The following ARHGEF4 variants were observed in gnomAD, a reference collection of about 807,000 sequenced individuals.
ARHGEF4 encodes APC-stimulated guanine nucleotide exchange factor 1.
ARHGEF4 carries 119 observed loss-of-function variants against 162.0 expected under a neutral mutation model. The ratio of observed to expected loss-of-function variants is 0.73; its 90% CI spans 0.63 to 0.86. The LOEUF (loss-of-function observed/expected upper bound fraction) is 0.86. Among genes scored for constraint, ARHGEF4 ranks in the 40% least tolerant of loss-of-function variants. ARHGEF4 has a pLI of 0.00. For missense variants in ARHGEF4, 2,488 were observed against 2,456.0 expected (o/e 1.01, Z -0.28); for synonymous variants, 1,014 against 979.9 (o/e 1.03, Z -0.65).
In ARHGEF4 at chr2:130,915,355, C is replaced by T. The variant is rs1574220490; in HGVS notation, c.1409C>T (p.Thr470Ile). Residue 470 changes from threonine to isoleucine, a missense_variant, in exon 2 of 14, where the codon ACC becomes ATC. Physicochemically the swap from Thr to Ile is moderately conservative, Grantham distance 89. Transcript: ENST00000409359. ...TCAGAGCAAAGCCCAGAAAGCAGAA[C>T]CCAGGAACCCCAAGGCACCCAACTC... is the stretch of plus-strand genomic sequence containing the variant. Reference protein sequence around the residue: ...CKSEQSPESRTQEPQGTQLAP... With the variant: ...CKSEQSPESRIQEPQGTQLAP... The T allele has an allele frequency of 6.4e-7, 1 of 1,550,646 alleles. No homozygotes were observed. The highest frequency in any genetic ancestry group is 8.7e-7 in the Non-Finnish European group (1 of 1,147,036).
chr2:130,889,395 G>A (rs867551089), intron 1 of ARHGEF4, among the ~76,000 whole-genome samples: 1 of 151,936 alleles, frequency 6.6e-6, no homozygotes, highest in South Asian at 2.1e-4. Flanking sequence ...CTTATTAACT[G>A]CTTCCCTTGC....
intron 4 of ARHGEF4, among the ~76,000 whole-genome samples, chr2:131,003,050 A>C (rs1687885157): frequency 6.6e-6 from 1 of 152,214 alleles, no homozygotes; most frequent in Admixed American, 6.5e-5. Context: ...ACAAGAGGGC[A>C]ACAAGCAAAG....
intron 1 of ARHGEF4, among the ~76,000 whole-genome samples, chr2:130,853,170 A>C (rs13014102): frequency 0.12 from 17,561 of 152,154 alleles, 1,136 homozygotes; most frequent in South Asian, 0.22. Context: ...CCCAAGGCCC[A>C]ACTTGGGGTC....
chr2:130,919,041 C>G (rs1681707000), intron 2 of ARHGEF4, among the ~76,000 whole-genome samples: 1 of 152,084 alleles, frequency 6.6e-6, no homozygotes, highest in South Asian at 2.1e-4. Context: ...GGAATTACAC[C>G]GCGGGGTCAG....
chr2:130,918,732 A>G (rs1419441866), intron 2 of ARHGEF4, among the ~76,000 whole-genome samples: 1 of 152,238 alleles, frequency 6.6e-6, no homozygotes, highest in African/African-American at 2.4e-5. Flanking sequence ...AGTGGACAGC[A>G]TACATTGAAA....
chr2:130,946,954 G>A (rs984895525), intron 4 of ARHGEF4: 5 of 253,338 alleles, frequency 2.0e-5, no homozygotes, highest in African/African-American at 8.8e-5. Flanking sequence ...AATACAGGCC[G>A]GGTGCGGTGG....
At position 130,914,608 on chromosome 2, in the gene ARHGEF4, A is replaced by G; in HGVS notation, c.662A>G (p.Tyr221Cys). ...CTTCAGAAATCCAGGTCTGAGAGCT[A>G]TCTGGGCATCCCAGTGGTCTGGCCC... ...VSLQKSRSES[Y>C]LGIPVVWPFL... The change falls in exon 2 of 14, where the codon TAT (tyrosine) becomes TGT (cysteine). Residue 221 changes from tyrosine (Y) to cysteine (C), a missense_variant. Tyr to Cys is a radical substitution (Grantham distance 194, BLOSUM62 -2). Transcript: ENST00000409359. 1 of 1,393,174 alleles carries G rather than the reference A, an allele frequency of 7.2e-7. No individual in the cohort carries two copies. Among genetic ancestry groups the G allele is most frequent in the Non-Finnish European group, 9.3e-7 (1 of 1,080,416 alleles). 86.3% of individuals were successfully genotyped at this position (1,393,174 alleles called of 1,614,324 possible).
chr2:130,855,999 A>G (rs1574106031), intron 1 of ARHGEF4, among the ~76,000 whole-genome samples: 1 of 152,230 alleles, frequency 6.6e-6, no homozygotes, highest in East Asian at 1.9e-4. Context: ...TGTGACCCAT[A>G]TACAGGGCAG....
At chr2:130,837,334 C>T in intron 1 of ARHGEF4, 1 of 339,234 alleles carries the variant, frequency 2.9e-6, no homozygotes, top group Non-Finnish European at 5.4e-6. Flanking sequence ...GGAGCCGCTG[C>T]CTGGACCGGC....
At chr2:130,866,372 G>A (rs909870835) in intron 1 of ARHGEF4, among the ~76,000 whole-genome samples, 17 of 152,126 alleles carry the variant, frequency 1.1e-4, no homozygotes, top group African/African-American at 3.6e-4. Context: ...TGACAAGAGC[G>A]AAACTCCGTC....
At chr2:130,853,891 A>G (rs1376139981) in intron 1 of ARHGEF4, among the ~76,000 whole-genome samples, 1 of 152,192 alleles carries the variant, frequency 6.6e-6, no homozygotes, top group Non-Finnish European at 1.5e-5. Context: ...TTAGCCTTGA[A>G]GGATGGACAG....
chr2:130,939,676 G>A (rs1683175041), intron 3 of ARHGEF4, among the ~76,000 whole-genome samples: 1 of 152,064 alleles, frequency 6.6e-6, no homozygotes, highest in African/African-American at 2.4e-5. Context: ...ATTAATTTAT[G>A]GGAAACAGTC....
intron 1 of ARHGEF4, among the ~76,000 whole-genome samples, chr2:130,893,686 G>T (rs1330861300): frequency 6.6e-6 from 1 of 152,210 alleles, no homozygotes; most frequent in African/African-American, 2.4e-5. Flanking sequence ...AGTCCACAGA[G>T]CAAGAATGGA....
chr2:131,034,388 G>T (rs1167222137), intron 5 of ARHGEF4, among the ~76,000 whole-genome samples: 1 of 152,192 alleles, frequency 6.6e-6, no homozygotes, highest in Non-Finnish European at 1.5e-5. Context: ...AAGGTTGCAG[G>T]CTGTGTCGAG....
At chr2:130,889,852 A>AT (rs1679754305) in intron 1 of ARHGEF4, among the ~76,000 whole-genome samples, 1 of 149,208 alleles carries the variant, frequency 6.7e-6, no homozygotes, top group Non-Finnish European at 1.5e-5. Context: ...ATTGAACGGT[A>AT]TTTTCACTGC....
chr2:131,021,738 C>T (rs1409652182), intron 4 of ARHGEF4, among the ~76,000 whole-genome samples: 1 of 152,194 alleles, frequency 6.6e-6, no homozygotes, highest in African/African-American at 2.4e-5. Flanking sequence ...ATCCTTGTCT[C>T]GTTCCTCATC....
chr2:130,853,010 C>T (rs1681516619), intron 1 of ARHGEF4, among the ~76,000 whole-genome samples: 1 of 152,204 alleles, frequency 6.6e-6, no homozygotes, highest in African/African-American at 2.4e-5. Context: ...CTCCTTCCAG[C>T]AGCCTGATGC....
At chr2:131,031,873 T>C (rs1689878116) in intron 5 of ARHGEF4, among the ~76,000 whole-genome samples, 1 of 152,188 alleles carries the variant, frequency 6.6e-6, no homozygotes, top group African/African-American at 2.4e-5. Context: ...CCCTGGACTT[T>C]TTCTGAAGCT....
chr2:131,031,082 T>C (rs1317954010), intron 5 of ARHGEF4, among the ~76,000 whole-genome samples: 3 of 152,226 alleles, frequency 2.0e-5, no homozygotes, highest in African/African-American at 7.2e-5. Flanking sequence ...CACTTCTATT[T>C]TCTAAGAATA....
Sources: gnomAD v4.1 joint callset for allele counts (sites outside exome capture counted in the v4.1 genomes callset) on GRCh38, gnomAD v4.1.1 for gene constraint, MANE v1.5 for transcripts, NCBI Gene and HGNC (gene_info 2026-07-23, HGNC 2026-07-21) for gene names.